The following FBXO17 variants were observed in gnomAD, a reference collection of about 807,000 sequenced individuals.
The protein encoded by FBXO17 is F-box only protein 17.
FBXO17 carries 43 observed loss-of-function variants against 34.1 expected under a neutral mutation model. The observed-to-expected ratio is 1.26, with a 90% CI of 0.99 to 1.62. The LOEUF is 1.62. Among genes scored for constraint, FBXO17 ranks in the 40% most tolerant of loss-of-function variants. FBXO17 has a pLI of 0.00. For missense variants in FBXO17, 424 were observed against 386.7 expected, an observed-to-expected ratio of 1.10 and a Z score of -0.81; for synonymous variants, 169 against 166.0, an observed-to-expected ratio of 1.02 and a Z score of -0.14.
In FBXO17 at chr19:38,975,029, G is replaced by C. The variant is rs1016423263; in HGVS notation, c.-18+557C>G. Among the ~76,000 whole-genome samples, 1 of 152,174 alleles carries C rather than the reference G, an allele frequency of 6.6e-6. No individual in the cohort carries two copies. Among genetic ancestry groups the C allele is most frequent in the East Asian group, 1.9e-4 (1 of 5,202 alleles). On this transcript the variant is annotated intron_variant, in intron 1 of 5. Transcript: ENST00000292852. The surrounding 1 kb of genome is among the most constrained non-coding windows in gnomAD (Gnocchi z 4.9). ...TGAAGAGGCAGTATACAGAGCTTTC[G>C]AACATATCACTGAACATTGCAAAAG... is the stretch of plus-strand genomic sequence containing the variant.
chr19:38,953,666 A>G (rs1975119844), intron 1 of FBXO17, among the ~76,000 whole-genome samples: 1 of 151,826 alleles, frequency 6.6e-6, no homozygotes, highest in African/African-American at 2.4e-5. Context: ...GTCTCAAAAC[A>G]AAACAAAAAC....
Position 38,975,479 on chromosome 19 carries a change from G to A in FBXO17, c.-18+107C>T, listed in dbSNP as rs2144851239. On this transcript the variant is annotated intron_variant, in intron 1 of 5. Transcript: ENST00000292852. The surrounding 1 kb of genome is among the most constrained non-coding windows in gnomAD (Gnocchi z 4.9). ...GGGACTCCCAGGGACCCGCCCCTCC[G>A]GGCAGGGCCTGGCGCGGGAATCCTT... 6.6e-6 allele frequency: 1 copy of A among 152,222 alleles called. No individual in the cohort carries two copies. Among genetic ancestry groups the A allele is most frequent in the African/African-American group, 2.4e-5 (1 of 41,536 alleles). The allele number at this position is 152,222 out of a possible 1,614,324, so 9.4% of individuals were successfully genotyped here.
At chr19:38,953,677 A>C (rs1975119914) in intron 1 of FBXO17, among the ~76,000 whole-genome samples, 2 of 152,016 alleles carry the variant, frequency 1.3e-5, no homozygotes, top group African/African-American at 4.8e-5. Context: ...AAACAAAAAC[A>C]AAAACAAAAA....
rs1190558742 is a variant in FBXO17, at chr19:38,941,582, C to T, written c.*1026G>A. 6.6e-6 allele frequency: 1 copy of T among 152,228 alleles called. No homozygotes were observed. Among genetic ancestry groups the T allele is most frequent in the Admixed American group, 6.5e-5 (1 of 15,280 alleles). 9.4% of individuals were successfully genotyped at this position (152,228 alleles called of 1,614,324 possible). On this transcript the variant is annotated 3_prime_UTR_variant, in exon 6 of 6. Coordinates refer to ENST00000292852, the MANE Select transcript of FBXO17 (RefSeq NM_024907.7). ...GATGGGCTGAAATAAAGGGATGGGT[C>T]TGGCTAGTTATCTGCAGCAGGAACA...
At chr19:38,973,991 T>G (rs1975424502) in intron 1 of FBXO17, among the ~76,000 whole-genome samples, 1 of 46,010 alleles carries the variant, frequency 2.2e-5, no homozygotes, top group Non-Finnish European at 4.5e-5. Flanking sequence ...TTGATTTGAT[T>G]TGAGACAGGG....
intron 1 of FBXO17, among the ~76,000 whole-genome samples, chr19:38,955,781 G>T (rs184109193): frequency 6.6e-6 from 1 of 152,100 alleles, no homozygotes; most frequent in East Asian, 1.9e-4. Flanking sequence ...ACTGTGCTCG[G>T]CTCCAGCTCC....
intron 1 of FBXO17, among the ~76,000 whole-genome samples, chr19:38,958,055 G>A (rs559338838): frequency 3.3e-5 from 5 of 150,592 alleles, no homozygotes; most frequent in East Asian, 3.9e-4. Context: ...GTGGTGAATC[G>A]TGAAGGGGCC....
Position 38,942,640 on chromosome 19 carries a change from A to C in FBXO17, c.805T>G (p.Ser269Ala), listed in dbSNP as rs758693989. ...AGACGGATCCTGACCCTCACACTGGAGTGGGTCACAAGGGCGCCATAGTGC... is the reference window on the plus strand; with the variant it reads ...AGACGGATCCTGACCCTCACACTGGCGTGGGTCACAAGGGCGCCATAGTGC... The part of the protein sequence containing the change: ...VGHYGALVTH[S>A]SVRVRIRLS The change falls in exon 6 of 6, where the codon TCC (serine) becomes GCC (alanine). Residue 269 changes from serine (S) to alanine (A), a missense_variant. By Grantham distance (99) the Ser-to-Ala change is moderately conservative. Transcript: ENST00000292852. 6.3e-7 allele frequency: 1 copy of C among 1,593,618 alleles called. No individual in the cohort carries two copies. The highest frequency in any genetic ancestry group is 2.3e-5 in the East Asian group (1 of 42,680).
chr19:38,968,920 AG>A (rs1975354683), intron 1 of FBXO17, among the ~76,000 whole-genome samples: 1 of 152,154 alleles, frequency 6.6e-6, no homozygotes, highest in Non-Finnish European at 1.5e-5. Flanking sequence ...AATAGGCACA[AG>A]GGATATTTTG....
At chr19:38,945,209 A>T (rs1974957651) in intron 4 of FBXO17, 105 bp from the exon 5 acceptor site, 2 of 1,444,522 alleles carry the variant, frequency 1.4e-6, no homozygotes, top group Admixed American at 3.9e-5. Context: ...GGTCCTGCAC[A>T]TCTGGACCAC....
intron 1 of FBXO17, among the ~76,000 whole-genome samples, chr19:38,959,757 C>A (rs2144831892): frequency 6.6e-6 from 1 of 151,982 alleles, no homozygotes; most frequent in African/African-American, 2.4e-5. Flanking sequence ...TTAGCTGGAC[C>A]TGGTGGTGTA....
intron 1 of FBXO17, among the ~76,000 whole-genome samples, chr19:38,957,031 A>G (rs1975175995): frequency 6.6e-6 from 1 of 152,068 alleles, no homozygotes; most frequent in Non-Finnish European, 1.5e-5. Context: ...CTTTATTCCT[A>G]CCGCAGAAAG....
At chr19:38,969,102 G>A (rs1208489514) in intron 1 of FBXO17, among the ~76,000 whole-genome samples, 1 of 152,060 alleles carries the variant, frequency 6.6e-6, no homozygotes, top group Non-Finnish European at 1.5e-5. Flanking sequence ...AGCATGTAGG[G>A]CTTAAATATG....
chr19:38,946,436 C>G (rs907909325), intron 4 of FBXO17, 36 bp downstream of exon 4: 4 of 1,612,858 alleles, frequency 2.5e-6, no homozygotes, highest in African/African-American at 2.7e-5. Context: ...GCCAAGCCTG[C>G]TGCTGCTCTG....
At chr19:38,946,369 C>T in intron 4 of FBXO17, 103 bp downstream of exon 4, 1 of 1,546,464 alleles carries the variant, frequency 6.5e-7, no homozygotes, top group Non-Finnish European at 8.8e-7. Context: ...TGCACAGTGA[C>T]AGCCGCTACC....
intron 2 of FBXO17, 179 bp downstream of exon 2, chr19:38,949,792 A>T: frequency 1.3e-6 from 1 of 760,680 alleles, no homozygotes; most frequent in Non-Finnish European, 2.0e-6. Context: ...TCCCGGCTTC[A>T]CCTTCTCCAG....
At chr19:38,957,593 C>T (rs1434269509) in intron 1 of FBXO17, among the ~76,000 whole-genome samples, 1 of 152,138 alleles carries the variant, frequency 6.6e-6, no homozygotes, top group African/African-American at 2.4e-5. Flanking sequence ...ATCCGCCCGC[C>T]TAGGCCTCCC....
Position 38,974,115 on chromosome 19 carries a change from C to T in FBXO17, c.-18+1471G>A, listed in dbSNP as rs564561545. 4.4e-4 allele frequency among the ~76,000 whole-genome samples: 63 copies of T among 141,602 alleles called. 1 individual carries two copies. Among genetic ancestry groups the T allele is most frequent in the African/African-American group, 1.4e-3 (53 of 39,144 alleles). The allele number at this position is 141,602 out of a possible 152,430, so 92.9% of individuals were successfully genotyped here. A position where few individuals can be genotyped will look rare whatever the true frequency, so the allele number is the denominator to read the frequency against. On this transcript the variant is annotated intron_variant, in intron 1 of 5. Coordinates refer to ENST00000292852, the MANE Select transcript of FBXO17 (RefSeq NM_024907.7). Reference sequence around the variant, plus strand: ...TTTTTTTTTGAGACAGAGTCTTGCTCTTGTCACCCAGGCTGGAGTGCAATG... The same window carrying T: ...TTTTTTTTTGAGACAGAGTCTTGCTTTTGTCACCCAGGCTGGAGTGCAATG...
rs1218391982 is a variant in FBXO17 at position 38,954,893 on chromosome 19, ATTTTAT to A, written c.-17-4563_-17-4558del. 1.4e-3 allele frequency among the ~76,000 whole-genome samples: 135 copies of A among 94,404 alleles called. 1 individual carries two copies. The highest frequency in any genetic ancestry group is 5.7e-3 in the African/African-American group (131 of 22,982). The allele number at this position is 94,404 out of a possible 152,430, so 61.9% of individuals were successfully genotyped here. ...ACTGCGCCTGCCCTGACAATGTGTT[ATTTTAT>A]TATTATTATTATTATTATTATTATT... On this transcript the variant is annotated intron_variant, in intron 1 of 5. Coordinates refer to ENST00000292852, the MANE Select transcript of FBXO17 (RefSeq NM_024907.7).
Sources: allele counts gnomAD v4.1 joint callset (sites outside exome capture counted in the v4.1 genomes callset), GRCh38; gene constraint gnomAD v4.1.1; non-coding constraint Gnocchi (gnomAD v3.1); transcripts MANE v1.5; gene names NCBI Gene and HGNC (gene_info 2026-07-23, HGNC 2026-07-21).